CTBP2: variants seen among roughly 807,000 people sequenced by gnomAD.
CTBP2 encodes the protein C-terminal binding protein 2.
A neutral mutation model predicts 80.3 loss-of-function variants in CTBP2; 30 were observed. The ratio of observed to expected loss-of-function variants is 0.37; its 90% confidence interval spans 0.28 to 0.51. The LOEUF (loss-of-function observed/expected upper bound fraction) is 0.51. CTBP2 is among the 20% of genes least tolerant of loss of function. The pLI is 0.93. For missense variants in CTBP2, 1,212 were observed against 1,375.3 expected, an observed-to-expected ratio of 0.88 and a Z score of 1.88; for synonymous variants, 594 against 587.4, an observed-to-expected ratio of 1.01 and a Z score of -0.16.
intron 1 of CTBP2, among the ~76,000 whole-genome samples, chr10:125,137,536 C>G (rs577050192): frequency 2.0e-5 from 3 of 152,350 alleles, no homozygotes; most frequent in African/African-American, 7.2e-5. Flanking sequence ...AAAAGCCTCT[C>G]CAAGATGCTT....
intron 3 of CTBP2, among the ~76,000 whole-genome samples, chr10:125,033,653 C>T (rs970442352): frequency 7.2e-5 from 11 of 152,190 alleles, no homozygotes; most frequent in African/African-American, 2.2e-4. Flanking sequence ...CCTCCAAACA[C>T]GGAGACTACG....
intron 1 of CTBP2, among the ~76,000 whole-genome samples, chr10:125,156,963 A>G (rs1395516698): frequency 2.6e-5 from 4 of 152,224 alleles, no homozygotes; most frequent in Admixed American, 2.0e-4. Context: ...TGGCAGGGAA[A>G]GCACACACAA....
intron 1 of CTBP2, among the ~76,000 whole-genome samples, chr10:125,121,832 C>T (rs1012202967): frequency 1.3e-5 from 2 of 152,244 alleles, no homozygotes; most frequent in Admixed American, 6.5e-5. Context: ...AAACACATCA[C>T]GGAGGTGAAA....
intron 2 of CTBP2, among the ~76,000 whole-genome samples, chr10:125,063,919 C>G (rs1723557463): frequency 6.6e-6 from 1 of 151,954 alleles, no homozygotes; most frequent in African/African-American, 2.4e-5. Context: ...TTTCCCCCAC[C>G]CCCAGGCTGC....
intron 3 of CTBP2, 107 bp from the exon 6 acceptor site, chr10:124,998,277 G>C: frequency 7.8e-7 from 1 of 1,287,750 alleles, no homozygotes; most frequent in East Asian, 2.5e-5. Context: ...GGCACCGGGG[G>C]AGGCCCACCT....
intron 2 of CTBP2, among the ~76,000 whole-genome samples, chr10:125,040,261 C>T (rs926593040): frequency 2.6e-5 from 4 of 151,942 alleles, no homozygotes; most frequent in Non-Finnish European, 4.4e-5. Context: ...TCGAGACCAG[C>T]CTGGCCAACA....
rs187877005 is a variant in CTBP2, at chr10:125,137,532, C to T, written c.-206+22787G>A. On this transcript the variant is annotated intron_variant, in intron 1 of 10. Coordinates refer to the CTBP2 transcript ENST00000337195. ...TGGAGCCAAAAACAAAACAAAAAGCCTCTCCAAGATGCTTTCCTGAAACAC... is the reference window on the plus strand; with the variant it reads ...TGGAGCCAAAAACAAAACAAAAAGCTTCTCCAAGATGCTTTCCTGAAACAC... Among the ~76,000 whole-genome samples, 47 of 152,342 alleles carry T rather than the reference C, an allele frequency of 3.1e-4. 1 individual carries two copies. In the East Asian group the frequency reaches 8.9e-3, roughly 29 times the overall value.
In CTBP2 at chr10:124,986,120, A is replaced by C. The variant is rs1046373; in HGVS notation, c.*3398T>G. 0.64 allele frequency: 97,198 copies of C among 152,530 alleles called. 32,844 individuals are homozygous for C. Among genetic ancestry groups the C allele is most frequent in the Non-Finnish European group, 0.75 (51,197 of 67,994 alleles). The allele number at this position is 152,530 out of a possible 1,614,324, so 9.4% of individuals were successfully genotyped here. On this transcript the variant is annotated 3_prime_UTR_variant, in exon 9 of 9. Transcript: ENST00000309035. ...GTTAAAACTATAATCTTAGGTAGAA[A>C]AACTTTTTTATAAGAAGTATTATTT...
chr10:125,072,531 G>A (rs955156470), intron 2 of CTBP2, among the ~76,000 whole-genome samples: 1 of 148,428 alleles, frequency 6.7e-6, no homozygotes, highest in African/African-American at 2.5e-5. Context: ...CAAGAGAATT[G>A]CTCTAACCTG....
At chr10:125,045,069 C>A (rs544693476) in intron 2 of CTBP2, among the ~76,000 whole-genome samples, 2 of 152,260 alleles carry the variant, frequency 1.3e-5, no homozygotes, top group East Asian at 1.9e-4. Context: ...CCCTAATGCC[C>A]ACAGTGATTG....
At chr10:125,009,553 T>C (rs1955635186) in intron 1 of CTBP2, among the ~76,000 whole-genome samples, 1 of 152,228 alleles carries the variant, frequency 6.6e-6, no homozygotes. Context: ...GTGGCCGCTT[T>C]CTGCAATCCA....
At chr10:125,005,831 C>A in intron 1 of CTBP2, 1 of 1,597,308 alleles carries the variant, frequency 6.3e-7, no homozygotes. Flanking sequence ...CGCCCACACA[C>A]AGTGAGGAAC....
intron 2 of CTBP2, among the ~76,000 whole-genome samples, chr10:125,057,779 C>G (rs1177454194): frequency 6.6e-6 from 1 of 152,188 alleles, no homozygotes; most frequent in Non-Finnish European, 1.5e-5. Flanking sequence ...CTTGGAGGAG[C>G]TTTGTCTGAG....
chr10:124,996,049 T>TTTTTG (rs1491571258), intron 4 of CTBP2: 2 of 1,636 alleles, frequency 1.2e-3, no homozygotes, highest in African/African-American at 1.7e-3. Flanking sequence ...TATTTCTTTG[T>TTTTTG]TTTTTTTTTT....
At chr10:125,051,567 G>A (rs1034590380) in intron 2 of CTBP2, among the ~76,000 whole-genome samples, 12 of 152,090 alleles carry the variant, frequency 7.9e-5, no homozygotes, top group Admixed American at 1.3e-4. Flanking sequence ...TTGAACCCAG[G>A]GGACAGAGCT....
In CTBP2 at chr10:125,027,776, G is replaced by A. The variant is rs779514602; in HGVS notation, c.-17C>T. On this transcript the variant is annotated 5_prime_UTR_variant, in exon 1 of 9. Coordinates refer to ENST00000309035, the MANE Select transcript of CTBP2 (RefSeq NM_022802.3). ...AACTGGCATTGGAAAAAAAATGACTGCGGATGAGGCAGAGGAGAAGCTTTT... is the reference window on the plus strand; with the variant it reads ...AACTGGCATTGGAAAAAAAATGACTACGGATGAGGCAGAGGAGAAGCTTTT... 3.9e-6 allele frequency: 6 copies of A among 1,541,110 alleles called. No individual in the cohort carries two copies. The South Asian group carries it at 6.0e-5, about 15-fold the overall frequency.
Position 125,036,848 on chromosome 10 carries a change from G to A in CTBP2, c.58+2149C>T, listed in dbSNP as rs537178540. ...GGGTGCAAACTGCCTACTGCTCAAC[G>A]CCTCTCTGGCAGCACCTGTGAGATG... On this transcript the variant is annotated intron_variant, in intron 3 of 10. Transcript: ENST00000337195. Among the ~76,000 whole-genome samples, 100 of 152,132 alleles carry A rather than the reference G, an allele frequency of 6.6e-4. 1 individual carries two copies. Among genetic ancestry groups the A allele is most frequent in the South Asian group, 5.4e-3 (26 of 4,818 alleles).
Position 125,026,276 on chromosome 10 carries a change from C to G in CTBP2, c.1484G>C (p.Arg495Pro), listed in dbSNP as rs372056793. 2 of 1,613,840 alleles carry G rather than the reference C, an allele frequency of 1.2e-6. No individual in the cohort carries two copies. The highest frequency in any genetic ancestry group is 2.2e-5 in the South Asian group (2 of 91,084). ...GGGCAGCGGAGAGGCGGCCACGTTG[C>G]GCTCCCTCTTTAGCAGCTCCATGGG... The change falls in exon 1 of 9, where the codon CGC becomes CCC. Residue 495 changes from arginine (R) to proline (P), a missense_variant. Coordinates refer to ENST00000309035, the MANE Select transcript of CTBP2 (RefSeq NM_022802.3).
At chr10:125,109,330 A>G (rs565060304) in intron 2 of CTBP2, among the ~76,000 whole-genome samples, 20 of 152,324 alleles carry the variant, frequency 1.3e-4, no homozygotes, top group South Asian at 1.2e-3. Flanking sequence ...ATGGTGTCCA[A>G]CTGGAAACAT....
Sources: gnomAD v4.1 joint callset for allele counts (sites outside exome capture counted in the v4.1 genomes callset) on GRCh38, gnomAD v4.1.1 for gene constraint, MANE v1.5 for transcripts, NCBI Gene and HGNC (gene_info 2026-07-23, HGNC 2026-07-21) for gene names.